The following FBXW7 variants were observed in gnomAD, a reference collection of about 807,000 sequenced individuals.
The protein encoded by FBXW7 is F-box/WD repeat-containing protein 7.
A neutral mutation model predicts 86.3 loss-of-function variants in FBXW7; 11 were observed. The observed-to-expected ratio is 0.13, with a 90% CI of 0.08 to 0.21. The LOEUF is 0.21. FBXW7 is among the 10% of genes least tolerant of loss of function. FBXW7 has a pLI of 1.00. For synonymous variants in FBXW7, 313 were observed against 297.9 expected (o/e 1.05, Z -0.52); for missense variants, 488 against 847.4 (o/e 0.58, Z 5.27).
intron 2 of FBXW7, among the ~76,000 whole-genome samples, chr4:152,477,225 G>T (rs769573350): frequency 6.6e-6 from 1 of 152,064 alleles, no homozygotes; most frequent in Non-Finnish European, 1.5e-5. Context: ...ATTCTTCACA[G>T]TTCTTGACAA....
At chr4:152,458,034 G>C (rs908835271) in intron 2 of FBXW7, among the ~76,000 whole-genome samples, 17 of 151,870 alleles carry the variant, frequency 1.1e-4, no homozygotes, top group Non-Finnish European at 2.4e-4. Flanking sequence ...TTTTGAGATG[G>C]AGTCTCGCTC....
chr4:152,331,313 A>G (rs1431867101), intron 8 of FBXW7, among the ~76,000 whole-genome samples: 2 of 152,092 alleles, frequency 1.3e-5, no homozygotes, highest in Non-Finnish European at 2.9e-5. Context: ...CACAGTAACT[A>G]AAACGTGCAA....
intron 2 of FBXW7, among the ~76,000 whole-genome samples, chr4:152,517,028 T>G (rs1274312658): frequency 2.0e-5 from 3 of 152,152 alleles, no homozygotes; most frequent in Non-Finnish European, 4.4e-5. Flanking sequence ...TTCGCCATGT[T>G]GTCCAGCTGG....
chr4:152,337,457 T>C (rs1730251894), intron 7 of FBXW7, among the ~76,000 whole-genome samples: 1 of 151,920 alleles, frequency 6.6e-6, no homozygotes, highest in Non-Finnish European at 1.5e-5. Flanking sequence ...AAAAATCTAC[T>C]ATCATGAATA....
intron 2 of FBXW7, among the ~76,000 whole-genome samples, chr4:152,502,138 T>C (rs1013144840): frequency 6.6e-6 from 1 of 152,178 alleles, no homozygotes; most frequent in African/African-American, 2.4e-5. Context: ...TCTAATATAT[T>C]AGCTATTAGC....
chr4:152,449,247 T>A (rs1034627405), intron 2 of FBXW7, among the ~76,000 whole-genome samples: 1 of 152,206 alleles, frequency 6.6e-6, no homozygotes, highest in Non-Finnish European at 1.5e-5. Flanking sequence ...TATAGATTAA[T>A]TTACAGAATT....
intron 4 of FBXW7, among the ~76,000 whole-genome samples, chr4:152,351,110 C>A (rs1731772235): frequency 6.6e-6 from 1 of 152,020 alleles, no homozygotes; most frequent in Admixed American, 6.6e-5. Context: ...GAAAAACACT[C>A]CAAAGTGATA....
At chr4:152,482,457 G>A (rs1365259869) in intron 2 of FBXW7, among the ~76,000 whole-genome samples, 2 of 152,020 alleles carry the variant, frequency 1.3e-5, no homozygotes, top group African/African-American at 2.4e-5. Context: ...TCATTATTTC[G>A]GAGGTGGCCA....
chr4:152,470,768 T>C (rs180744290), intron 2 of FBXW7, among the ~76,000 whole-genome samples: 2 of 152,242 alleles, frequency 1.3e-5, no homozygotes, highest in East Asian at 3.9e-4. Context: ...TTACTCTGTA[T>C]TTGAAAAAGC....
chr4:152,510,621 CATAACTAAAAACATATTGGGAAAGCT>C, intron 2 of FBXW7, among the ~76,000 whole-genome samples: 1 of 152,176 alleles, frequency 6.6e-6, no homozygotes, highest in East Asian at 1.9e-4. Flanking sequence ...ATAGACTTTT[CATAACTAAAAACATATTGGGAAAGCT>C]ATGAGATTAA....
intron 4 of FBXW7, among the ~76,000 whole-genome samples, chr4:152,407,880 T>A (rs2126864359): frequency 6.6e-6 from 1 of 152,308 alleles, no homozygotes; most frequent in East Asian, 1.9e-4. Context: ...AATTTTTGTA[T>A]TTTTTGTAGA....
At position 152,322,324 on chromosome 4, in the gene FBXW7, CA is replaced by C. The variant is rs3841114; in HGVS notation, c.*556del. 0.38 allele frequency: 62,609 copies of C among 165,250 alleles called. 5,477 individuals are homozygous for C. Among genetic ancestry groups the C allele is most frequent in the African/African-American group, 0.52 (17,108 of 32,820 alleles). 10.2% of individuals were successfully genotyped at this position (165,250 alleles called of 1,614,324 possible). A position where few individuals can be genotyped will look rare whatever the true frequency, so the allele number is the denominator to read the frequency against. On this transcript the variant is annotated 3_prime_UTR_variant, in exon 14 of 14. Coordinates refer to ENST00000281708, the MANE Select transcript of FBXW7 (RefSeq NM_001349798.2). The stretch of plus-strand genomic sequence containing the variant: ...ATTGATTGACATTGGCAATGGTTGG[CA>C]AAAAAAAAAAAAAAAAAGCTTTTCA...
chr4:152,407,383 C>T (rs928328602), intron 4 of FBXW7, among the ~76,000 whole-genome samples: 9 of 152,176 alleles, frequency 5.9e-5, no homozygotes, highest in Non-Finnish European at 8.8e-5. Context: ...CCTTAAATAG[C>T]ATTTTTTGCT....
At chr4:152,344,620 C>T (rs77732357) in intron 6 of FBXW7, among the ~76,000 whole-genome samples, 2,083 of 151,382 alleles carry the variant, frequency 0.014, 27 homozygotes, top group Middle Eastern at 0.038. Flanking sequence ...ATACAGCATG[C>T]GGTAACATTT....
At chr4:152,333,110 A>G (rs1002401708) in intron 7 of FBXW7, among the ~76,000 whole-genome samples, 1 of 152,184 alleles carries the variant, frequency 6.6e-6, no homozygotes, top group African/African-American at 2.4e-5. Context: ...TCCCTGACAG[A>G]TAAGAAATGA....
chr4:152,379,324 T>C (rs1456233901), intron 4 of FBXW7, among the ~76,000 whole-genome samples: 2 of 152,196 alleles, frequency 1.3e-5, no homozygotes, highest in Non-Finnish European at 2.9e-5. Flanking sequence ...GTAAAATTTA[T>C]CTTCCCTTAA....
At chr4:152,417,944 C>T (rs1490765899) in intron 2 of FBXW7, among the ~76,000 whole-genome samples, 7 of 152,146 alleles carry the variant, frequency 4.6e-5, no homozygotes, top group African/African-American at 1.2e-4. Context: ...AGATTCCCTG[C>T]GCATCAAATC....
In FBXW7 at chr4:152,321,692, A is replaced by G; in HGVS notation, c.*1189T>C. The G allele has an allele frequency of 4.3e-6, 1 of 232,904 alleles. No homozygotes were observed. 14.4% of individuals were successfully genotyped at this position (232,904 alleles called of 1,614,324 possible). A position where few individuals can be genotyped will look rare whatever the true frequency, so the allele number is the denominator to read the frequency against. On this transcript the variant is annotated 3_prime_UTR_variant, in exon 14 of 14. Transcript: ENST00000281708. ...AACACTAAGACTGACCAGCAACTTTATTTTAATTTTGTGTTTTATATATTT... is the reference window on the plus strand; with the variant it reads ...AACACTAAGACTGACCAGCAACTTTGTTTTAATTTTGTGTTTTATATATTT...
intron 2 of FBXW7, among the ~76,000 whole-genome samples, chr4:152,423,989 A>G (rs755792759): frequency 7.2e-5 from 11 of 152,090 alleles, no homozygotes; most frequent in Non-Finnish European, 1.5e-4. Flanking sequence ...TTGAGGGGGG[A>G]AAACACAACT....
Sources: allele counts gnomAD v4.1 joint callset (sites outside exome capture counted in the v4.1 genomes callset), GRCh38; gene constraint gnomAD v4.1.1; transcripts MANE v1.5; gene names NCBI Gene and HGNC (gene_info 2026-07-23, HGNC 2026-07-21).